The following FIP1L1 variants were observed in gnomAD, a reference collection of about 807,000 sequenced individuals.
The protein encoded by FIP1L1 is factor interacting with PAPOLA and CPSF1.
FIP1L1 carries 21 observed loss-of-function variants against 84.6 expected under a neutral mutation model. That is an observed-to-expected ratio of 0.25 (90% CI 0.18 to 0.36). The LOEUF is 0.36. Ranked by LOEUF, FIP1L1 falls within the 10% of genes least tolerant of loss-of-function variation. FIP1L1 has a pLI of 1.00. For missense variants in FIP1L1, 526 were observed against 751.1 expected, an observed-to-expected ratio of 0.70 and a Z score of 3.50; for synonymous variants, 263 against 242.3, an observed-to-expected ratio of 1.09 and a Z score of -0.80.
chr4:53,442,835 A>G, intron 14 of FIP1L1, 128 bp downstream of exon 14: 2 of 574,360 alleles, frequency 3.5e-6, no homozygotes, highest in Non-Finnish European at 6.0e-6. Flanking sequence ...ATAAATCTAG[A>G]TCTATGTTAG....
intron 5 of FIP1L1, among the ~76,000 whole-genome samples, chr4:53,384,434 A>G (rs1309072762): frequency 6.6e-6 from 1 of 152,106 alleles, no homozygotes; most frequent in African/African-American, 2.4e-5. Context: ...AAAAAGTACT[A>G]TAAATTCTTT....
At position 53,418,779 on chromosome 4, in the gene FIP1L1, C is replaced by T. The variant is rs1252758606; in HGVS notation, c.923+4057C>T. 4.6e-5 allele frequency among the ~76,000 whole-genome samples: 7 copies of T among 152,230 alleles called. No homozygotes were observed. The South Asian group carries it at 1.0e-3, about 23-fold the overall frequency. On this transcript the variant is annotated intron_variant, in intron 11 of 17. Transcript: ENST00000337488. ...AAAATTGCTTTTCAATGTTAAATCA[C>T]GAATACATTTAAACATGCATGTATT...
At position 53,442,789 on chromosome 4, in the gene FIP1L1, T is replaced by C; in HGVS notation, c.1229+82T>C. 4 of 782,024 alleles carry C rather than the reference T, an allele frequency of 5.1e-6. No individual in the cohort carries two copies. The South Asian group carries it at 5.2e-5, about 10-fold the overall frequency. 48.4% of individuals were successfully genotyped at this position (782,024 alleles called of 1,614,324 possible). On this transcript the variant is annotated intron_variant, in intron 14 of 17. Coordinates refer to ENST00000337488, the MANE Select transcript of FIP1L1 (RefSeq NM_030917.4). ...ATATACTTGGAAATATTTTCAGATATTTAATTTTATAAACACAGCACCTGT... is the reference window on the plus strand; with the variant it reads ...ATATACTTGGAAATATTTTCAGATACTTAATTTTATAAACACAGCACCTGT...
intron 15 of FIP1L1, among the ~76,000 whole-genome samples, chr4:53,446,065 G>A (rs1185463399): frequency 6.6e-6 from 1 of 152,166 alleles, no homozygotes; most frequent in Non-Finnish European, 1.5e-5. Flanking sequence ...TACACTTCTA[G>A]GTATCTCTAT....
chr4:53,415,029 TA>T (rs1020219069), intron 11 of FIP1L1, among the ~76,000 whole-genome samples: 1 of 151,926 alleles, frequency 6.6e-6, no homozygotes, highest in South Asian at 2.1e-4. Context: ...ACATCGCATT[TA>T]AAAAAAATTC....
chr4:53,414,493 G>T (rs569502165), intron 10 of FIP1L1, 122 bp from the exon 11 acceptor site: 2 of 576,564 alleles, frequency 3.5e-6, no homozygotes, highest in East Asian at 2.9e-5. Flanking sequence ...ACTTGAGAAT[G>T]ATACTGTAGG....
chr4:53,382,869 T>A (rs569550375), intron 4 of FIP1L1, among the ~76,000 whole-genome samples: 5 of 152,336 alleles, frequency 3.3e-5, no homozygotes, highest in Admixed American at 2.6e-4. Context: ...TTATTTACTA[T>A]GATGTGATTA....
At position 53,460,084 on chromosome 4, in the gene FIP1L1, C is replaced by CTACCCA. The variant is rs2150530084; in HGVS notation, c.*637_*638insCCCATA. 5.0e-6 allele frequency: 1 copy of CTACCCA among 199,814 alleles called. No homozygotes were observed. The highest frequency in any genetic ancestry group is 6.0e-5 in the Admixed American group (1 of 16,588). The allele number at this position is 199,814 out of a possible 1,614,324, so 12.4% of individuals were successfully genotyped here. On this transcript the variant is annotated 3_prime_UTR_variant, in exon 18 of 18. Transcript: ENST00000337488. ...TAATTAATTACCCATAGTGTAGTTT[C>CTACCCA]TAGGAGGCATGTGTACACACACTCT...
At chr4:53,394,406 G>GT (rs1470098481) in intron 9 of FIP1L1, among the ~76,000 whole-genome samples, 1 of 152,110 alleles carries the variant, frequency 6.6e-6, no homozygotes, top group African/African-American at 2.4e-5. Context: ...CTGGAGGGCT[G>GT]TTTTTTCACA....
chr4:53,399,788 C>T lies in FIP1L1; in HGVS notation c.764C>T (p.Ala255Val). Residue 255 changes from alanine to valine, a missense_variant, in exon 10 of 18, where the codon GCT (alanine) becomes GTT (valine). Transcript: ENST00000337488. The part of the protein sequence containing the change: ...EKETALPSTK[A>V]EFTSPPSLFK... ...GAAACTGCCCTTCCATCTACAAAAG[C>T]TGAGTTTACTTCTCCTCCTTCTTTG... The T allele has an allele frequency of 1.9e-6, 3 of 1,613,566 alleles. No homozygotes were observed. Among genetic ancestry groups the T allele is most frequent in the East Asian group, 2.2e-5 (1 of 44,800 alleles).
chr4:53,417,224 C>T (rs772761155), intron 11 of FIP1L1, among the ~76,000 whole-genome samples: 3 of 152,156 alleles, frequency 2.0e-5, no homozygotes, highest in Admixed American at 2.0e-4. Context: ...ACCTACTTCT[C>T]TCTAAAAAAG....
intron 15 of FIP1L1, among the ~76,000 whole-genome samples, chr4:53,449,664 T>A (rs990052806): frequency 1.3e-5 from 2 of 152,132 alleles, no homozygotes; most frequent in Middle Eastern, 6.3e-3. Context: ...TCTTTTTTTT[T>A]CCCTATTTGC....
chr4:53,459,297 T>C lies in FIP1L1; in HGVS notation c.1638-5T>C, dbSNP rs1442421780. 100 of 1,479,552 alleles carry C rather than the reference T, an allele frequency of 6.8e-5. No homozygotes were observed. Among genetic ancestry groups the C allele is most frequent in the Middle Eastern group, 5.5e-4 (3 of 5,502 alleles). The allele number at this position is 1,479,552 out of a possible 1,614,324, so 91.7% of individuals were successfully genotyped here. On this transcript the variant is annotated splice_region_variant and splice_polypyrimidine_tract_variant and intron_variant, in intron 17 of 17. Coordinates refer to ENST00000337488, the MANE Select transcript of FIP1L1 (RefSeq NM_030917.4). ...CACACCTTTTTTTTTTTTTTTTTTT[T>C]CCAGTAATAGTAGACGTCGCCATGA...
At chr4:53,411,022 G>T (rs77068984) in intron 10 of FIP1L1, among the ~76,000 whole-genome samples, 1 of 152,122 alleles carries the variant, frequency 6.6e-6, no homozygotes, top group Admixed American at 6.5e-5. Flanking sequence ...ATGGCCATGG[G>T]TTTAAAGTGT....
intron 14 of FIP1L1, 95 bp downstream of exon 14, chr4:53,442,802 A>T (rs1240055315): frequency 1.5e-6 from 1 of 681,742 alleles, no homozygotes; most frequent in Non-Finnish European, 2.5e-6. Flanking sequence ...AATTTTATAA[A>T]CACAGCACCT....
At chr4:53,440,490 T>G in intron 13 of FIP1L1, 1 of 757,998 alleles carries the variant, frequency 1.3e-6, no homozygotes, top group Admixed American at 2.6e-5. Context: ...AGGCGAGGGG[T>G]TTTATTTCAA....
intron 11 of FIP1L1, 88 bp from the exon 12 acceptor site, chr4:53,425,782 AAC>A (rs1259202160): frequency 1.1e-5 from 10 of 894,884 alleles, no homozygotes; most frequent in Non-Finnish European, 1.6e-5. Flanking sequence ...ATTTATTGCA[AAC>A]ACATTTTGTT....
intron 10 of FIP1L1, among the ~76,000 whole-genome samples, chr4:53,414,399 T>C (rs1169279426): frequency 6.6e-6 from 1 of 152,108 alleles, no homozygotes; most frequent in Admixed American, 6.5e-5. Flanking sequence ...TTGAAGAATA[T>C]TTCTAAAAAT....
chr4:53,447,885 T>C (rs1774874856), intron 15 of FIP1L1, among the ~76,000 whole-genome samples: 1 of 152,088 alleles, frequency 6.6e-6, no homozygotes, highest in South Asian at 2.1e-4. Context: ...TTTTGACTGA[T>C]AACCATCACA....
Sources: allele counts gnomAD v4.1 joint callset (sites outside exome capture counted in the v4.1 genomes callset), GRCh38; gene constraint gnomAD v4.1.1; transcripts MANE v1.5; gene names NCBI Gene and HGNC (gene_info 2026-07-23, HGNC 2026-07-21).